NLGN1: variants seen among roughly 807,000 people sequenced by gnomAD.
NLGN1 encodes the protein neuroligin-1.
Under a neutral mutation model 65.5 loss-of-function variants are expected in NLGN1, and 12 were observed. The ratio of observed to expected loss-of-function variants is 0.18; its 90% CI spans 0.12 to 0.30. The LOEUF (loss-of-function observed/expected upper bound fraction) is 0.30, where lower values mean the gene tolerates loss of function less well. Among genes scored for constraint, NLGN1 ranks in the 10% least tolerant of loss-of-function variants. The pLI is 1.00. For missense variants in NLGN1, 750 were observed against 1,007.1 expected, an observed-to-expected ratio of 0.74 and a Z score of 3.46; for synonymous variants, 350 against 359.5, an observed-to-expected ratio of 0.97 and a Z score of 0.30.
intron 2 of NLGN1, among the ~76,000 whole-genome samples, chr3:173,533,555 T>G (rs887013955): frequency 6.6e-6 from 1 of 152,162 alleles, no homozygotes; most frequent in African/African-American, 2.4e-5. Context: ...CATGGCTCTC[T>G]CAGAGAAAGG....
At chr3:173,672,623 T>C (rs924551905) in intron 3 of NLGN1, among the ~76,000 whole-genome samples, 4 of 152,218 alleles carry the variant, frequency 2.6e-5, no homozygotes, top group East Asian at 3.8e-4. Context: ...GTAGATTGCC[T>C]ACAAGAAGGC....
At chr3:173,860,846 G>T (rs552437896) in intron 4 of NLGN1, among the ~76,000 whole-genome samples, 14 of 152,196 alleles carry the variant, frequency 9.2e-5, no homozygotes, top group Non-Finnish European at 1.3e-4. Context: ...ATGAAGGGGG[G>T]GTTACCTGCT....
At chr3:173,554,442 C>T (rs1004994270) in intron 2 of NLGN1, among the ~76,000 whole-genome samples, 1 of 152,104 alleles carries the variant, frequency 6.6e-6, no homozygotes, top group South Asian at 2.1e-4. Context: ...TATCATCATC[C>T]CCCGAAGTTC....
At chr3:174,067,224 GATTA>G (rs1459688824) in intron 4 of NLGN1, among the ~76,000 whole-genome samples, 5 of 151,972 alleles carry the variant, frequency 3.3e-5, no homozygotes, top group Non-Finnish European at 5.9e-5. Context: ...AAATAAATTT[GATTA>G]ATCTACCTCT....
At chr3:173,758,125 C>G (rs565606895) in intron 3 of NLGN1, among the ~76,000 whole-genome samples, 3 of 152,022 alleles carry the variant, frequency 2.0e-5, no homozygotes, top group Non-Finnish European at 4.4e-5. Flanking sequence ...AGAGAGAAAA[C>G]TCCTTCTCTC....
intron 3 of NLGN1, among the ~76,000 whole-genome samples, chr3:173,736,752 C>T (rs1002132741): frequency 4.0e-5 from 6 of 151,882 alleles, no homozygotes; most frequent in Admixed American, 3.3e-4. Flanking sequence ...AATCTAAACC[C>T]AATTCACTTA....
chr3:174,218,019 T>C (rs1362955), intron 4 of NLGN1, among the ~76,000 whole-genome samples: 111,635 of 151,944 alleles, frequency 0.73, 41,059 homozygotes, highest in East Asian at 0.8. Flanking sequence ...ATAATTTCCT[T>C]GGAAAATTGT....
At chr3:174,171,826 C>T (rs757035269) in intron 4 of NLGN1, among the ~76,000 whole-genome samples, 1 of 152,112 alleles carries the variant, frequency 6.6e-6, no homozygotes, top group Admixed American at 6.6e-5. Flanking sequence ...AGTTTGGGAC[C>T]TTGAGAAGCT....
chr3:173,703,352 G>A (rs1156588907), intron 3 of NLGN1, among the ~76,000 whole-genome samples: 1 of 151,964 alleles, frequency 6.6e-6, no homozygotes, highest in Non-Finnish European at 1.5e-5. Flanking sequence ...GTCTTCTTTT[G>A]CATCATTAAT....
chr3:174,133,962 A>C (rs1238712398), intron 4 of NLGN1, among the ~76,000 whole-genome samples: 1 of 151,162 alleles, frequency 6.6e-6, no homozygotes, highest in East Asian at 2.0e-4. Flanking sequence ...ATTTAGAAGC[A>C]GACCTGAATA....
intron 2 of NLGN1, among the ~76,000 whole-genome samples, chr3:173,558,206 A>C (rs755546574): frequency 3.3e-5 from 5 of 151,692 alleles, no homozygotes; most frequent in Non-Finnish European, 5.9e-5. Flanking sequence ...TTATTTTCCT[A>C]ATTGTAATAT....
chr3:174,260,049 G>A (rs1347572084), intron 4 of NLGN1, among the ~76,000 whole-genome samples: 1 of 152,022 alleles, frequency 6.6e-6, no homozygotes, highest in Non-Finnish European at 1.5e-5. Context: ...ATTCCATGGT[G>A]TATATGTGCC....
At chr3:174,056,869 C>T (rs1349318586) in intron 4 of NLGN1, among the ~76,000 whole-genome samples, 2 of 151,910 alleles carry the variant, frequency 1.3e-5, no homozygotes, top group South Asian at 2.1e-4. Context: ...TGTTTTCATT[C>T]CCCTAGGAAA....
chr3:173,581,276 G>A (rs185179513), intron 2 of NLGN1, among the ~76,000 whole-genome samples: 82 of 152,046 alleles, frequency 5.4e-4, no homozygotes, highest in Middle Eastern at 6.8e-3. Flanking sequence ...GAAATATAAT[G>A]CCTAGTGATT....
At chr3:173,890,348 G>T (rs1735102116) in intron 4 of NLGN1, among the ~76,000 whole-genome samples, 1 of 152,222 alleles carries the variant, frequency 6.6e-6, no homozygotes, top group East Asian at 1.9e-4. Flanking sequence ...TAGTCCCTGG[G>T]TGACCAACAG....
intron 4 of NLGN1, among the ~76,000 whole-genome samples, chr3:174,002,997 A>T (rs1391392167): frequency 1.8e-4 from 27 of 152,224 alleles, no homozygotes. Flanking sequence ...CTTCAAAGGC[A>T]TGCAGAAAAG....
chr3:174,096,522 AG>A (rs1745566450), intron 4 of NLGN1, among the ~76,000 whole-genome samples: 1 of 152,154 alleles, frequency 6.6e-6, no homozygotes, highest in Non-Finnish European at 1.5e-5. Flanking sequence ...ATACAAAAGT[AG>A]ATAGAAGGTC....
intron 4 of NLGN1, among the ~76,000 whole-genome samples, chr3:174,200,965 G>A (rs943040694): frequency 6.6e-6 from 1 of 152,108 alleles, no homozygotes; most frequent in Admixed American, 6.6e-5. Context: ...GTCAGGGCAT[G>A]GTTGTTCACG....
At chr3:173,425,542 A>AT (rs1715935544) in intron 1 of NLGN1, among the ~76,000 whole-genome samples, 2 of 152,156 alleles carry the variant, frequency 1.3e-5, no homozygotes, top group South Asian at 4.2e-4. Context: ...ACAAGGTTCT[A>AT]TTTCCATTCT....
Sources: gnomAD v4.1 joint callset for allele counts (sites outside exome capture counted in the v4.1 genomes callset) on GRCh38, gnomAD v4.1.1 for gene constraint, MANE v1.5 for transcripts, NCBI Gene and HGNC (gene_info 2026-07-23, HGNC 2026-07-21) for gene names.